Variants in KLHL13 observed in about 807,000 individuals in gnomAD.
KLHL13 encodes kelch like family member 13, also known as kelch-like protein 13.
Under a neutral mutation model 37.1 loss-of-function variants are expected in KLHL13, and 10 were observed. That is an observed-to-expected ratio of 0.27 (90% CI 0.17 to 0.46). The LOEUF (loss-of-function observed/expected upper bound fraction) is 0.46. Ranked by LOEUF, KLHL13 falls within the 20% of genes least tolerant of loss-of-function variation. KLHL13 has a pLI of 1.00. For synonymous variants in KLHL13, 163 were observed against 181.2 expected (o/e 0.90, Z 0.81); for missense variants, 360 against 509.3 (o/e 0.71, Z 2.82).
chrX:118,040,484 A>G (rs1334431134), intron 1 of KLHL13, among the ~76,000 whole-genome samples: 1 of 112,005 alleles, frequency 8.9e-6, no homozygotes, highest in Non-Finnish European at 1.9e-5. Flanking sequence ...AGAATTAATG[A>G]GCTTGAATAT....
At chrX:117,920,760 A>C (rs2147697272) in intron 2 of KLHL13, among the ~76,000 whole-genome samples, 1 of 111,757 alleles carries the variant, frequency 8.9e-6, no homozygotes, top group African/African-American at 3.2e-5. Flanking sequence ...TAGTCCTTTT[A>C]TAGTGCTTGA....
chrX:118,090,332 C>G (rs937433429), intron 1 of KLHL13, among the ~76,000 whole-genome samples: 1 of 111,004 alleles, frequency 9.0e-6, no homozygotes, highest in Non-Finnish European at 1.9e-5. Context: ...AAAGAGTGAA[C>G]AGGCAACCTA....
intron 1 of KLHL13, among the ~76,000 whole-genome samples, chrX:118,091,121 C>T (rs1177114692): frequency 4.1e-5 from 3 of 73,399 alleles, no homozygotes; most frequent in African/African-American, 1.7e-4. Flanking sequence ...CACTATGGGG[C>T]CTGTTGTGGG....
intron 1 of KLHL13, among the ~76,000 whole-genome samples, chrX:118,057,898 T>C (rs200177916): frequency 9.0e-6 from 1 of 110,821 alleles, no homozygotes; most frequent in African/African-American, 3.3e-5. Flanking sequence ...CAATAAATTA[T>C]ATGTAAGGAT....
chrX:117,941,759 T>C, intron 2 of KLHL13, among the ~76,000 whole-genome samples: 1 of 111,632 alleles, frequency 9.0e-6, no homozygotes, highest in South Asian at 3.8e-4. Flanking sequence ...GGTCTATCTA[T>C]TTTGTTGATC....
At chrX:118,111,856 C>A (rs996307394) in intron 1 of KLHL13, among the ~76,000 whole-genome samples, 21 of 111,965 alleles carry the variant, frequency 1.9e-4, no homozygotes, top group African/African-American at 6.8e-4. Flanking sequence ...CATGCCACTG[C>A]ACTCCAGCCT....
At chrX:118,071,162 G>A (rs1370950726) in intron 1 of KLHL13, among the ~76,000 whole-genome samples, 8 of 111,831 alleles carry the variant, frequency 7.2e-5, no homozygotes, top group Non-Finnish European at 1.1e-4. Flanking sequence ...ATCATTGTTA[G>A]ACATTTGGGT....
rs1360457176 is a variant in KLHL13 at position 117,952,392 on chromosome X, CA to C, written c.99-6818del. Among the ~76,000 whole-genome samples, 21 of 109,475 alleles carry C rather than the reference CA, an allele frequency of 1.9e-4. No individual in the cohort carries two copies. The East Asian group carries it at 5.7e-3, about 30-fold the overall frequency. On this transcript the variant is annotated intron_variant, in intron 1 of 6. Coordinates refer to ENST00000262820, the Ensembl canonical transcript of KLHL13. ...CTGGATCCCTTCCTTACACCTTATA[CA>C]AAAATTAATTCAAGATGGATTAAAG...
intron 5 of KLHL13, among the ~76,000 whole-genome samples, chrX:117,906,469 G>A (rs970770010): frequency 4.5e-5 from 5 of 111,337 alleles, no homozygotes; most frequent in Admixed American, 9.6e-5. Flanking sequence ...AGGATGTGAC[G>A]TGACAAGACA....
intron 1 of KLHL13, among the ~76,000 whole-genome samples, chrX:118,034,270 C>T (rs1306836739): frequency 2.5e-4 from 26 of 105,149 alleles, no homozygotes; most frequent in Non-Finnish European, 4.6e-4. Flanking sequence ...CTCTCCACCC[C>T]AAATCAACAG....
intron 1 of KLHL13, among the ~76,000 whole-genome samples, chrX:117,965,992 C>G (rs1306122762): frequency 9.0e-6 from 1 of 111,197 alleles, no homozygotes; most frequent in Non-Finnish European, 1.9e-5. Flanking sequence ...TGAAAACTGG[C>G]ACAAGACAGG....
chrX:117,903,635 C>T (rs1930301830), intron 5 of KLHL13, among the ~76,000 whole-genome samples: 1 of 110,791 alleles, frequency 9.0e-6, no homozygotes, highest in Admixed American at 9.7e-5. Flanking sequence ...CTCTCTCTCT[C>T]CTTCTCTCTC....
At chrX:117,920,262 C>T in exon 3 of KLHL13, 1 of 1,209,037 alleles carries the variant, frequency 8.3e-7, no homozygotes, top group Non-Finnish European at 1.1e-6. Context: ...TTGAAGTAAT[C>T]ACTAGCAGAT....
intron 1 of KLHL13, among the ~76,000 whole-genome samples, chrX:118,021,645 G>T (rs1305108470): frequency 9.1e-6 from 1 of 110,185 alleles, no homozygotes; most frequent in Non-Finnish European, 1.9e-5. Flanking sequence ...ATCATTGATG[G>T]GCATTTGGGT....
At chrX:118,063,574 A>T (rs2054764536) in intron 1 of KLHL13, among the ~76,000 whole-genome samples, 3 of 111,570 alleles carry the variant, frequency 2.7e-5, no homozygotes. Context: ...TTTATGTTTG[A>T]TGCTTAAAGT....
intron 1 of KLHL13, among the ~76,000 whole-genome samples, chrX:118,037,773 G>A (rs2054466584): frequency 9.0e-6 from 1 of 111,337 alleles, no homozygotes; most frequent in African/African-American, 3.3e-5. Flanking sequence ...AAGAAAATTA[G>A]CACAGCTCCA....
intron 1 of KLHL13, among the ~76,000 whole-genome samples, chrX:118,037,987 G>T (rs1019829296): frequency 8.9e-6 from 1 of 111,826 alleles, no homozygotes; most frequent in Non-Finnish European, 1.9e-5. Flanking sequence ...TTAAATAACT[G>T]GGATGAGGAT....
intron 1 of KLHL13, among the ~76,000 whole-genome samples, chrX:118,001,887 A>T (rs2053925349): frequency 1.9e-5 from 2 of 107,657 alleles, no homozygotes; most frequent in Non-Finnish European, 3.8e-5. Context: ...AAAAAAAAAA[A>T]GCCTCCAGTA....
intron 4 of KLHL13, among the ~76,000 whole-genome samples, chrX:117,917,789 A>G (rs1931460126): frequency 8.9e-6 from 1 of 112,025 alleles, no homozygotes; most frequent in Non-Finnish European, 1.9e-5. Flanking sequence ...GTTAATGATT[A>G]GTTCCAAAGA....
Sources: allele counts gnomAD v4.1 joint callset (sites outside exome capture counted in the v4.1 genomes callset), GRCh38; gene constraint gnomAD v4.1.1; transcripts MANE v1.5; gene names NCBI Gene and HGNC (gene_info 2026-07-23, HGNC 2026-07-21).